The following KCNQ5 variants were observed in gnomAD, a reference collection of about 807,000 sequenced individuals.
The protein encoded by KCNQ5 is potassium voltage-gated channel subfamily KQT member 5.
A neutral mutation model predicts 98.2 loss-of-function variants in KCNQ5; 30 were observed. The observed-to-expected ratio is 0.31, with a 90% CI of 0.23 to 0.41. The LOEUF (loss-of-function observed/expected upper bound fraction) is 0.41, where lower values mean the gene tolerates loss of function less well. Among genes scored for constraint, KCNQ5 ranks in the 10% least tolerant of loss-of-function variants. The pLI is 1.00. For synonymous variants in KCNQ5, 458 were observed against 449.4 expected, an observed-to-expected ratio of 1.02 and a Z score of -0.24; for missense variants, 835 against 1,182.5, an observed-to-expected ratio of 0.71 and a Z score of 4.31.
At chr6:72,914,912 A>G (rs1780072692) in intron 1 of KCNQ5, among the ~76,000 whole-genome samples, 1 of 152,034 alleles carries the variant, frequency 6.6e-6, no homozygotes, top group Non-Finnish European at 1.5e-5. Context: ...CTCAAAGGAA[A>G]CATGCAAAAC....
At chr6:72,738,104 G>C (rs141075429) in intron 1 of KCNQ5, among the ~76,000 whole-genome samples, 1 of 152,052 alleles carries the variant, frequency 6.6e-6, no homozygotes, top group African/African-American at 2.4e-5. Flanking sequence ...GCAGTGAGCC[G>C]AGAGCATGCC....
chr6:72,734,427 T>C (rs1770718175), intron 1 of KCNQ5, among the ~76,000 whole-genome samples: 1 of 152,100 alleles, frequency 6.6e-6, no homozygotes, highest in African/African-American at 2.4e-5. Context: ...GTTCACGCCA[T>C]TCTCCTGCCT....
intron 11 of KCNQ5, among the ~76,000 whole-genome samples, chr6:73,176,216 G>A (rs558532991): frequency 4.8e-4 from 73 of 152,318 alleles, no homozygotes; most frequent in African/African-American, 1.8e-3. Context: ...AGCCTGGTGG[G>A]AGGTGATTGG....
chr6:72,778,768 A>T (rs1315251443), intron 1 of KCNQ5, among the ~76,000 whole-genome samples: 3 of 152,174 alleles, frequency 2.0e-5, no homozygotes, highest in Non-Finnish European at 4.4e-5. Context: ...GGAGAAAAAA[A>T]TTTTAAAAAA....
intron 1 of KCNQ5, among the ~76,000 whole-genome samples, chr6:72,886,579 A>G (rs1030926944): frequency 6.6e-6 from 1 of 152,188 alleles, no homozygotes; most frequent in Non-Finnish European, 1.5e-5. Flanking sequence ...ATCCAGTTCA[A>G]GCAGCCAAAT....
chr6:73,028,400 A>C (rs762291716), intron 2 of KCNQ5, among the ~76,000 whole-genome samples: 119 of 152,310 alleles, frequency 7.8e-4, no homozygotes, highest in Non-Finnish European at 1.6e-3. Flanking sequence ...ACAGCTTAGG[A>C]AATTTTTCAG....
chr6:73,111,779 A>T (rs190579202), intron 7 of KCNQ5, among the ~76,000 whole-genome samples: 1 of 152,156 alleles, frequency 6.6e-6, no homozygotes, highest in Non-Finnish European at 1.5e-5. Context: ...CTGCATTCCA[A>T]TTACTTTCTC....
chr6:73,083,331 C>T (rs147877341), intron 5 of KCNQ5, among the ~76,000 whole-genome samples: 335 of 152,174 alleles, frequency 2.2e-3, no homozygotes, highest in African/African-American at 7.4e-3. Flanking sequence ...TTTAGAAAAG[C>T]TTGATAAATG....
chr6:72,950,511 T>C (rs885247), intron 1 of KCNQ5, among the ~76,000 whole-genome samples: 22,533 of 152,218 alleles, frequency 0.15, 1,835 homozygotes, highest in East Asian at 0.25. Flanking sequence ...CATGCATGAA[T>C]CACAGGAACC....
chr6:72,847,008 T>C (rs1039310958), intron 1 of KCNQ5, among the ~76,000 whole-genome samples: 2 of 152,178 alleles, frequency 1.3e-5, no homozygotes, highest in African/African-American at 4.8e-5. Flanking sequence ...CTCCACATTC[T>C]GTGCTAGGGG....
intron 3 of KCNQ5, among the ~76,000 whole-genome samples, chr6:73,052,847 C>A (rs936209463): frequency 1.6e-4 from 24 of 152,230 alleles, no homozygotes; most frequent in Non-Finnish European, 2.9e-4. Flanking sequence ...TGCATAATAA[C>A]CAATTAACAA....
intron 1 of KCNQ5, among the ~76,000 whole-genome samples, chr6:72,998,881 G>A (rs1364561510): frequency 6.6e-6 from 1 of 152,206 alleles, no homozygotes; most frequent in Non-Finnish European, 1.5e-5. Flanking sequence ...ATGTGTGGTT[G>A]CTTCAATCAG....
At chr6:72,815,751 G>T (rs1359056685) in intron 1 of KCNQ5, among the ~76,000 whole-genome samples, 1 of 152,114 alleles carries the variant, frequency 6.6e-6, no homozygotes, top group Non-Finnish European at 1.5e-5. Context: ...GTGCAAGAGG[G>T]ATTTATTTAT....
In KCNQ5 at chr6:73,132,344, T is replaced by C. The variant is rs563627842; in HGVS notation, c.1248-1077T>C. ...CCTGCAGAGTCCTGGGCCTCTCACA[T>C]TGATGACAGTATCACCTTCTAATGA... On this transcript the variant is annotated intron_variant, in intron 9 of 13. Transcript: ENST00000370398. Among the ~76,000 whole-genome samples, 11 of 152,206 alleles carry C rather than the reference T, an allele frequency of 7.2e-5. No individual in the cohort carries two copies. In the East Asian group the frequency reaches 9.7e-4, roughly 13 times the overall value.
intron 1 of KCNQ5, among the ~76,000 whole-genome samples, chr6:72,664,689 AAAC>A (rs1214051223): frequency 2.7e-5 from 4 of 145,760 alleles, no homozygotes; most frequent in Non-Finnish European, 4.5e-5. Context: ...ACAAACAAAC[AAAC>A]AAAAAACACA....
chr6:72,955,184 G>C (rs866816810), intron 1 of KCNQ5, among the ~76,000 whole-genome samples: 4 of 152,230 alleles, frequency 2.6e-5, no homozygotes, highest in African/African-American at 9.6e-5. Flanking sequence ...TTAGCAGTTA[G>C]CATAATCACT....
chr6:72,642,115 T>C (rs2098927512), intron 1 of KCNQ5, among the ~76,000 whole-genome samples: 1 of 150,172 alleles, frequency 6.7e-6, no homozygotes, highest in South Asian at 2.1e-4. Context: ...TACATGGCTA[T>C]TGCTATTTGT....
chr6:72,806,425 T>C (rs1338260186), intron 1 of KCNQ5, among the ~76,000 whole-genome samples: 1 of 152,036 alleles, frequency 6.6e-6, no homozygotes, highest in Non-Finnish European at 1.5e-5. Flanking sequence ...ACTGAAGTTA[T>C]AGGCCAAATC....
chr6:72,707,892 G>T (rs1159529202), intron 1 of KCNQ5, among the ~76,000 whole-genome samples: 22 of 151,992 alleles, frequency 1.4e-4, no homozygotes, highest in Admixed American at 1.4e-3. Context: ...TTTTTATTTT[G>T]CAGGCTGATC....
Sources: allele counts gnomAD v4.1 joint callset (sites outside exome capture counted in the v4.1 genomes callset), GRCh38; gene constraint gnomAD v4.1.1; transcripts MANE v1.5; gene names NCBI Gene and HGNC (gene_info 2026-07-23, HGNC 2026-07-21).